The following DYRK1A variants were observed in gnomAD, a reference collection of about 807,000 sequenced individuals.
DYRK1A encodes the protein dual specificity tyrosine phosphorylation regulated kinase 1A, also known as dual specificity tyrosine-phosphorylation-regulated kinase 1A.
Under a neutral mutation model 79.7 loss-of-function variants are expected in DYRK1A, and 9 were observed. The observed-to-expected ratio is 0.11, with a 90% CI of 0.07 to 0.20. The LOEUF is 0.20. DYRK1A is among the 10% of genes least tolerant of loss of function. The probability of loss-of-function intolerance (pLI) is 1.00; values close to 1 mark genes in which losing one functional copy is unlikely to be tolerated. For missense variants in DYRK1A, 622 were observed against 956.0 expected (o/e 0.65, Z 4.61); for synonymous variants, 349 against 329.7 (o/e 1.06, Z -0.63).
intron 9 of DYRK1A, among the ~76,000 whole-genome samples, chr21:37,500,233 G>T (rs73218460): frequency 6.6e-6 from 1 of 151,960 alleles, no homozygotes. Context: ...TTTTCTGCAC[G>T]TATAGAGATC....
At chr21:37,496,623 A>G (rs977479715) in intron 9 of DYRK1A, among the ~76,000 whole-genome samples, 8 of 152,310 alleles carry the variant, frequency 5.3e-5, no homozygotes, top group Admixed American at 5.2e-4. Context: ...AGCTGTGAAC[A>G]GAAGTCACAA....
At chr21:37,485,212 G>A (rs780149522) in intron 5 of DYRK1A, among the ~76,000 whole-genome samples, 15 of 152,292 alleles carry the variant, frequency 9.8e-5, no homozygotes, top group Admixed American at 2.6e-4. Context: ...CAAGTCAGTA[G>A]ATACTTGGGC....
intron 3 of DYRK1A, among the ~76,000 whole-genome samples, chr21:37,476,622 C>T (rs747511548): frequency 1.3e-5 from 2 of 152,188 alleles, no homozygotes; most frequent in African/African-American, 2.4e-5. Flanking sequence ...TTACAGCATT[C>T]ATTCACAGAA....
At chr21:37,501,177 T>G (rs1285527901) in intron 9 of DYRK1A, 2 of 143,324 alleles carry the variant, frequency 1.4e-5, no homozygotes, top group Non-Finnish European at 3.0e-5. Context: ...TTTTTTTTTT[T>G]TTTTTTTTTT....
At position 37,516,434 on chromosome 21, in the gene DYRK1A, T is replaced by C. The variant is rs1029551002; in HGVS notation, c.*3903T>C. On this transcript the variant is annotated 3_prime_UTR_variant, in exon 12 of 12. Coordinates refer to ENST00000647188, the MANE Select transcript of DYRK1A (RefSeq NM_001347721.2). ...CCCTGGTTTCTTATCTAGGCCTGTT[T>C]CCTTGCGTGAAAACATACATCACCA... 4 of 152,214 alleles carry C rather than the reference T, an allele frequency of 2.6e-5. No individual in the cohort carries two copies. The highest frequency in any genetic ancestry group is 9.6e-5 in the African/African-American group (4 of 41,458). 9.4% of individuals were successfully genotyped at this position (152,214 alleles called of 1,614,324 possible). A position where few individuals can be genotyped will look rare whatever the true frequency, so the allele number is the denominator to read the frequency against.
chr21:37,497,640 T>A (rs2053312934), intron 9 of DYRK1A, among the ~76,000 whole-genome samples: 1 of 152,242 alleles, frequency 6.6e-6, no homozygotes, highest in African/African-American at 2.4e-5. Flanking sequence ...GATTTATTTA[T>A]ATTTTGCTTC....
At position 37,439,221 on chromosome 21, in the gene DYRK1A, A is replaced by G. The variant is rs755982726; in HGVS notation, c.10+18837A>G. Among the ~76,000 whole-genome samples the G allele has an allele frequency of 8.2e-4, 125 of 152,240 alleles. 1 individual carries two copies. Among genetic ancestry groups the G allele is most frequent in the Admixed American group, 1.6e-3 (25 of 15,290 alleles). Reference sequence around the variant, plus strand: ...TCACATTTTCTATCTAGATAATCACATTTCCTATGATGAGAGACAATTTTT... The same window carrying G: ...TCACATTTTCTATCTAGATAATCACGTTTCCTATGATGAGAGACAATTTTT... On this transcript the variant is annotated intron_variant, in intron 2 of 11. Transcript: ENST00000647188.
intron 3 of DYRK1A, among the ~76,000 whole-genome samples, chr21:37,473,561 C>T (rs2052299958): frequency 1.3e-5 from 2 of 152,152 alleles, no homozygotes; most frequent in East Asian, 3.8e-4. Context: ...TCTTGCCCCA[C>T]GGATATTTGA....
chr21:37,381,754 C>T (rs2049662904), intron 1 of DYRK1A, among the ~76,000 whole-genome samples: 1 of 152,160 alleles, frequency 6.6e-6, no homozygotes, highest in African/African-American at 2.4e-5. Context: ...TGCCAGTGTA[C>T]TCCAGCCTGA....
chr21:37,496,213 G>A lies in DYRK1A; in HGVS notation c.1167G>A (p.Leu389=). 6.2e-7 allele frequency: 1 copy of A among 1,614,092 alleles called. No individual in the cohort carries two copies. Reference sequence around the variant, plus strand: ...AAGCAAGAAAGTTCTTTGAGAAGTTGCCAGATGGCACTTGGAACTTAAAGA... The same window carrying A: ...AAGCAAGAAAGTTCTTTGAGAAGTTACCAGATGGCACTTGGAACTTAAAGA... The part of the protein sequence containing the change: ...APKARKFFEK[L]PDGTWNLKKT... The change falls in exon 9 of 12, where the codon TTG becomes TTA. Residue 389 remains leucine (L), a synonymous_variant. Coordinates refer to ENST00000647188, the MANE Select transcript of DYRK1A (RefSeq NM_001347721.2).
Position 37,480,751 on chromosome 21 carries a change from T to C in DYRK1A, c.414T>C (p.Tyr138=), listed in dbSNP as rs2052609819. The C allele has an allele frequency of 3.1e-6, 5 of 1,613,104 alleles. No homozygotes were observed. Among genetic ancestry groups the C allele is most frequent in the African/African-American group, 1.3e-5 (1 of 75,006 alleles). ...NDGYDDDNYD[Y]IVKNGEKWMD... ...GTTATGATGATGATAACTATGATTA[T>C]ATTGTAAAAAACGGAGAAAAGTGGA... Residue 138 remains tyrosine (Y), a synonymous_variant, in exon 5 of 12, where the codon TAT becomes TAC. Transcript: ENST00000647188.
At chr21:37,426,831 A>C (rs1167647741) in intron 2 of DYRK1A, among the ~76,000 whole-genome samples, 1 of 149,714 alleles carries the variant, frequency 6.7e-6, no homozygotes, top group Non-Finnish European at 1.5e-5. Flanking sequence ...TAGGCAGGAG[A>C]ATGGCATGAA....
At chr21:37,408,579 A>G (rs776824452) in intron 1 of DYRK1A, among the ~76,000 whole-genome samples, 10 of 152,188 alleles carry the variant, frequency 6.6e-5, no homozygotes, top group Non-Finnish European at 1.3e-4. Context: ...AATTTTTTTT[A>G]GCACATAGAA....
intron 1 of DYRK1A, among the ~76,000 whole-genome samples, chr21:37,379,972 C>CT (rs2049624222): frequency 6.6e-6 from 1 of 152,124 alleles, no homozygotes; most frequent in Admixed American, 6.6e-5. Context: ...CTGGGGGAAT[C>CT]TTTAATAGTT....
intron 1 of DYRK1A, among the ~76,000 whole-genome samples, chr21:37,391,430 C>A (rs1374959118): frequency 2.6e-5 from 4 of 152,124 alleles, no homozygotes; most frequent in Admixed American, 6.5e-5. Context: ...TGTCTTGTAT[C>A]TTGTTTTATT....
At chr21:37,373,407 G>A (rs1051080766) in intron 1 of DYRK1A, among the ~76,000 whole-genome samples, 4 of 152,126 alleles carry the variant, frequency 2.6e-5, no homozygotes, top group Non-Finnish European at 4.4e-5. Context: ...TAAGAGTTAC[G>A]ATAAATTTAA....
In DYRK1A at chr21:37,519,736, G is replaced by GTTTTTTTTGTTTTTTTTTTTTTTTTT. The variant is rs58947386; in HGVS notation, c.*7213_*7214insGTTTTTTTTTTTTTTTTTTTTTTTTT. On this transcript the variant is annotated 3_prime_UTR_variant, in exon 12 of 12. Coordinates refer to ENST00000647188, the MANE Select transcript of DYRK1A (RefSeq NM_001347721.2). Reference sequence around the variant, plus strand: ...AGAGTTTTGAGGTTTGTTGTGGGAAGTTTTTTTTTTTTTTTTTTTTTTTGA... The same window carrying GTTTTTTTTGTTTTTTTTTTTTTTTTT: ...AGAGTTTTGAGGTTTGTTGTGGGAAGTTTTTTTTGTTTTTTTTTTTTTTTTTTTTTTTTTTTTTTTTTTTTTTTTGA... 6.3e-4 allele frequency: 54 copies of GTTTTTTTTGTTTTTTTTTTTTTTTTT among 85,800 alleles called. 3 individuals carry two copies. Among genetic ancestry groups the GTTTTTTTTGTTTTTTTTTTTTTTTTT allele is most frequent in the African/African-American group, 2.5e-3 (51 of 20,578 alleles). The allele number at this position is 85,800 out of a possible 1,614,324, so 5.3% of individuals were successfully genotyped here.
In DYRK1A at chr21:37,522,872, T is replaced by C. The variant is rs567175934; in HGVS notation, c.*10341T>C. 1 of 152,530 alleles carries C rather than the reference T, an allele frequency of 6.6e-6. No individual in the cohort carries two copies. Among genetic ancestry groups the C allele is most frequent in the East Asian group, 1.9e-4 (1 of 5,194 alleles). The allele number at this position is 152,530 out of a possible 1,614,324, so 9.4% of individuals were successfully genotyped here. Reference sequence around the variant, plus strand: ...TTTCCAGGATCCACAGTTCCTGCTCTGCTTCCGCTTTCCCCACTGCTGGTT... The same window carrying C: ...TTTCCAGGATCCACAGTTCCTGCTCCGCTTCCGCTTTCCCCACTGCTGGTT... On this transcript the variant is annotated 3_prime_UTR_variant, in exon 12 of 12. Coordinates refer to ENST00000647188, the MANE Select transcript of DYRK1A (RefSeq NM_001347721.2).
intron 1 of DYRK1A, among the ~76,000 whole-genome samples, chr21:37,376,647 G>A (rs1226986422): frequency 6.6e-6 from 1 of 152,106 alleles, no homozygotes; most frequent in African/African-American, 2.4e-5. Flanking sequence ...GGCACTGTGG[G>A]TAATTCTGCC....
Sources: allele counts gnomAD v4.1 joint callset (sites outside exome capture counted in the v4.1 genomes callset), GRCh38; gene constraint gnomAD v4.1.1; transcripts MANE v1.5; gene names NCBI Gene and HGNC (gene_info 2026-07-23, HGNC 2026-07-21).